BPIFA3: variants seen among roughly 807,000 people sequenced by gnomAD.
BPIFA3 encodes the protein BPI fold containing family A member 3.
Under a neutral mutation model 29.7 loss-of-function variants are expected in BPIFA3, and 32 were observed. The ratio of observed to expected loss-of-function variants is 1.08; its 90% CI spans 0.81 to 1.45. BPIFA3 has a LOEUF of 1.45. BPIFA3 is among the 40% of genes most tolerant of loss of function. The pLI is 0.00. For synonymous variants in BPIFA3, 112 were observed against 113.7 expected (o/e 0.98, Z 0.10); for missense variants, 323 against 311.3 (o/e 1.04, Z -0.28).
At chr20:33,222,642 G>GGATA (rs1276761547) in intron 1 of BPIFA3, among the ~76,000 whole-genome samples, 1 of 146,108 alleles carries the variant, frequency 6.8e-6, no homozygotes, top group Non-Finnish European at 1.5e-5. Flanking sequence ...ATGAATGGAT[G>GGATA]GATGGATGGA....
At position 33,217,392 on chromosome 20, in the gene BPIFA3, A is replaced by G; in HGVS notation, c.-145A>G. The G allele has an allele frequency of 7.6e-6, 8 of 1,059,478 alleles. No individual in the cohort carries two copies. Among genetic ancestry groups the G allele is most frequent in the Non-Finnish European group, 1.1e-5 (8 of 756,384 alleles). 65.6% of individuals were successfully genotyped at this position (1,059,478 alleles called of 1,614,324 possible). A position where few individuals can be genotyped will look rare whatever the true frequency, so the allele number is the denominator to read the frequency against. On this transcript the variant is annotated 5_prime_UTR_variant, in exon 1 of 7. Transcript: ENST00000375454. Reference sequence around the variant, plus strand: ...TGGTGGCAGCGCCAGGGTCCAGTGCAGCCCCTCCCCACAGCATGCTGGGGG... The same window carrying G: ...TGGTGGCAGCGCCAGGGTCCAGTGCGGCCCCTCCCCACAGCATGCTGGGGG...
chr20:33,223,631 C>A, intron 1 of BPIFA3, 180 bp from the exon 2 acceptor site: 1 of 652,840 alleles, frequency 1.5e-6, no homozygotes, highest in Non-Finnish European at 2.5e-6. Flanking sequence ...TTTCTCACAT[C>A]AATCTTGCAA....
At chr20:33,224,033 G>A (rs987931720) in intron 2 of BPIFA3, 72 bp downstream of exon 2, 2 of 1,557,610 alleles carry the variant, frequency 1.3e-6, no homozygotes, top group Non-Finnish European at 1.7e-6. Context: ...AGAGCTGATG[G>A]GGGGCTGGGG....
At chr20:33,227,506 C>T in intron 6 of BPIFA3, 32 bp from the exon 7 acceptor site, 1 of 1,577,562 alleles carries the variant, frequency 6.3e-7, no homozygotes, top group Non-Finnish European at 8.7e-7. Context: ...GGTGGGCACA[C>T]TGGTGACAGA....
intron 4 of BPIFA3, chr20:33,226,022 G>C (rs1427303436): frequency 1.0e-5 from 2 of 198,438 alleles, no homozygotes; most frequent in Non-Finnish European, 2.0e-5. Context: ...TAAGTCCCTT[G>C]AAGGCAAGAC....
intron 1 of BPIFA3, among the ~76,000 whole-genome samples, chr20:33,223,265 C>T (rs1161482406): frequency 1.3e-5 from 2 of 152,164 alleles, no homozygotes; most frequent in South Asian, 2.1e-4. Context: ...TGGTACACTA[C>T]GAGGTTCATC....
In BPIFA3 at chr20:33,223,978, TA is replaced by T. The variant is rs1410796460; in HGVS notation, c.278+18del. 1.2e-6 allele frequency: 2 copies of T among 1,612,460 alleles called. No individual in the cohort carries two copies. Among genetic ancestry groups the T allele is most frequent in the Non-Finnish European group, 1.7e-6 (2 of 1,179,166 alleles). On this transcript the variant is annotated intron_variant, in intron 2 of 6. Coordinates refer to ENST00000375454, the MANE Select transcript of BPIFA3 (RefSeq NM_178466.5). ...AGAGAGCAGGTGAGACCCTGAGTTC[TA>T]TCCGTGGCCCTGGAACTCTTTATAG...
intron 4 of BPIFA3, 45 bp downstream of exon 4, chr20:33,225,292 A>T: frequency 3.7e-6 from 6 of 1,610,450 alleles, no homozygotes; most frequent in Non-Finnish European, 5.1e-6. Context: ...CTCCTTCCTG[A>T]TGAGCCCCAG....
chr20:33,226,298 C>T, intron 4 of BPIFA3, 108 bp from the exon 5 acceptor site: 2 of 792,910 alleles, frequency 2.5e-6, no homozygotes, highest in South Asian at 3.2e-5. Flanking sequence ...TGGCATGGGG[C>T]TGAGTGAGGA....
At chr20:33,222,941 G>T (rs978592173) in intron 1 of BPIFA3, among the ~76,000 whole-genome samples, 1 of 152,176 alleles carries the variant, frequency 6.6e-6, no homozygotes, top group African/African-American at 2.4e-5. Flanking sequence ...ATAAATATTT[G>T]TTGGATGAAT....
chr20:33,227,024 C>G (rs1555793591), intron 6 of BPIFA3, 31 bp downstream of exon 6: 1 of 1,597,406 alleles, frequency 6.3e-7, no homozygotes, highest in Non-Finnish European at 8.6e-7. Context: ...GTGAGGACTT[C>G]TTAGGACTGG....
At chr20:33,224,026 G>T (rs1488558718) in intron 2 of BPIFA3, 65 bp downstream of exon 2, 1 of 1,575,038 alleles carries the variant, frequency 6.3e-7, no homozygotes, top group African/African-American at 1.4e-5. Context: ...GAAGGGTAGA[G>T]CTGATGGGGG....
At chr20:33,224,510 G>A (rs1985684454) in intron 3 of BPIFA3, 48 bp downstream of exon 3, 1 of 1,440,420 alleles carries the variant, frequency 6.9e-7, no homozygotes, top group African/African-American at 1.4e-5. Context: ...CCTCCTCGCA[G>A]GGAACCTGGG....
At chr20:33,225,333 A>ATTAGTCCAAAGCAGAT in intron 4 of BPIFA3, 86 bp downstream of exon 4, 3 of 1,577,998 alleles carry the variant, frequency 1.9e-6, no homozygotes, top group Non-Finnish European at 2.6e-6. Flanking sequence ...CGTCTCCTAA[A>ATTAGTCCAAAGCAGAT]TTAGTCCAAA....
Position 33,226,402 on chromosome 20 carries a change from C to G in BPIFA3, c.537-4C>G. 6.2e-7 allele frequency: 1 copy of G among 1,607,978 alleles called. No individual in the cohort carries two copies. The highest frequency in any genetic ancestry group is 1.3e-5 in the African/African-American group (1 of 74,876). ...CTGTTCTGTGCCTCTACCTTTCTTT[C>G]TAGGGCTATCCCACCAAAGATGAAT... is the stretch of plus-strand genomic sequence containing the variant. On this transcript the variant is annotated splice_region_variant and splice_polypyrimidine_tract_variant and intron_variant, in intron 4 of 6. Coordinates refer to ENST00000375454, the MANE Select transcript of BPIFA3 (RefSeq NM_178466.5).
Position 33,226,950 on chromosome 20 carries a change from A to T in BPIFA3, c.642A>T (p.Glu214Asp). 1 of 1,614,126 alleles carries T rather than the reference A, an allele frequency of 6.2e-7. No individual in the cohort carries two copies. The highest frequency in any genetic ancestry group is 8.5e-7 in the Non-Finnish European group (1 of 1,180,004). The change falls in exon 6 of 7, where the codon GAA becomes GAT. Residue 214 changes from glutamate (E) to aspartate (D), a missense_variant. Glu to Asp is a conservative substitution (Grantham distance 45). Coordinates refer to ENST00000375454, the MANE Select transcript of BPIFA3 (RefSeq NM_178466.5). ...TCCAGGTATGTCCTCTGATCGGTGA[A>T]ATCCTCGGGCAGCTGGATGTGAAAC... ...VESQVCPLIG[E>D]ILGQLDVKLL...
At chr20:33,224,507 G>T (rs752605444) in intron 3 of BPIFA3, 45 bp downstream of exon 3, 107 of 1,454,656 alleles carry the variant, frequency 7.4e-5, no homozygotes, top group Non-Finnish European at 9.4e-5. Flanking sequence ...GGCCCTCCTC[G>T]CAGGGAACCT....
Position 33,225,086 on chromosome 20 carries a change from T to C in BPIFA3, c.387-12T>C. 2 of 1,613,352 alleles carry C rather than the reference T, an allele frequency of 1.2e-6. No homozygotes were observed. Among genetic ancestry groups the C allele is most frequent in the Non-Finnish European group, 1.7e-6 (2 of 1,179,392 alleles). On this transcript the variant is annotated splice_polypyrimidine_tract_variant and intron_variant, in intron 3 of 6. Transcript: ENST00000375454. ...CCCCTTGCCCTTCCTCCTCTTCCTC[T>C]CTCATCTGCAGGTCCTTCGATAACA...
At chr20:33,226,852 G>C in intron 5 of BPIFA3, 78 bp from the exon 6 acceptor site, 2 of 1,578,506 alleles carry the variant, frequency 1.3e-6, no homozygotes, top group Non-Finnish European at 1.7e-6. Context: ...CCATGGAGTT[G>C]AAGTTTCCTG....
Sources: allele counts gnomAD v4.1 joint callset (sites outside exome capture counted in the v4.1 genomes callset), GRCh38; gene constraint gnomAD v4.1.1; transcripts MANE v1.5; gene names NCBI Gene and HGNC (gene_info 2026-07-23, HGNC 2026-07-21).